The following MGAT4C variants were observed in gnomAD, a reference collection of about 807,000 sequenced individuals.
MGAT4C encodes the protein alpha-1,3-mannosyl-glycoprotein 4-beta-N-acetylglucosaminyltransferase C.
A neutral mutation model predicts 40.1 loss-of-function variants in MGAT4C; 19 were observed. The ratio of observed to expected loss-of-function variants is 0.47; its 90% CI spans 0.33 to 0.70. The LOEUF (loss-of-function observed/expected upper bound fraction) is 0.70, where lower values mean the gene tolerates loss of function less well. Ranked by LOEUF, MGAT4C falls within the 30% of genes least tolerant of loss-of-function variation. The pLI is 0.02. For synonymous variants in MGAT4C, 181 were observed against 187.1 expected (o/e 0.97, Z 0.27); for missense variants, 491 against 563.2 (o/e 0.87, Z 1.30).
At chr12:86,362,309 G>T (rs991091334) in intron 3 of MGAT4C, among the ~76,000 whole-genome samples, 1 of 152,170 alleles carries the variant, frequency 6.6e-6, no homozygotes, top group Non-Finnish European at 1.5e-5. Context: ...GACACAGGGT[G>T]GGGAACATCG....
chr12:86,250,913 T>C lies in MGAT4C; in HGVS notation c.-57+5326A>G, dbSNP rs151189535. Among the ~76,000 whole-genome samples the C allele has an allele frequency of 5.9e-5, 9 of 152,146 alleles. No homozygotes were observed. The East Asian group carries it at 1.7e-3, about 29-fold the overall frequency. On this transcript the variant is annotated intron_variant, in intron 1 of 4. Transcript: ENST00000611864. The stretch of plus-strand genomic sequence containing the variant: ...TGTTTGTACTATACCAGAGTTTTCA[T>C]GTTAGTGAATAGCAATTTTTAATGA...
chr12:86,480,247 T>A (rs530826748), intron 2 of MGAT4C, among the ~76,000 whole-genome samples: 2 of 151,806 alleles, frequency 1.3e-5, no homozygotes, highest in East Asian at 3.9e-4. Flanking sequence ...TAATAAAGAA[T>A]CAACATTTGC....
At position 86,414,370 on chromosome 12, in the gene MGAT4C, C is replaced by T. The variant is rs148511344; in HGVS notation, c.-120+20787G>A. ...ATTTTTGTTTTTTAATTATTCTCCT[C>T]ACGGAAATAGTGTTTACAATATTAT... On this transcript the variant is annotated intron_variant, in intron 3 of 7. Coordinates refer to the MGAT4C transcript ENST00000548651. Among the ~76,000 whole-genome samples the T allele has an allele frequency of 4.1e-3, 628 of 152,192 alleles. 4 individuals are homozygous for T. The highest frequency in any genetic ancestry group is 0.015 in the African/African-American group (606 of 41,538).
rs1197870109 is a variant in MGAT4C, at chr12:86,492,332, T to C, written c.-228-57067A>G. On this transcript the variant is annotated intron_variant, in intron 2 of 7. Coordinates refer to the MGAT4C transcript ENST00000548651. ...ATATGGAACCAAAAACGAGCCCGCA[T>C]TGCCAAGTCAATCCTAAGCCAAAAG... Among the ~76,000 whole-genome samples the C allele has an allele frequency of 1.3e-5, 2 of 152,174 alleles. 1 individual carries two copies. Among genetic ancestry groups the C allele is most frequent in the Non-Finnish European group, 2.9e-5 (2 of 68,040 alleles).
chr12:86,626,496 T>TAGTTTA (rs1962809068), intron 2 of MGAT4C, among the ~76,000 whole-genome samples: 1 of 152,206 alleles, frequency 6.6e-6, no homozygotes, highest in Non-Finnish European at 1.5e-5. Context: ...TGGTTGTTTT[T>TAGTTTA]AAACTATTAA....
At chr12:86,291,361 G>A (rs1036515535) in intron 4 of MGAT4C, among the ~76,000 whole-genome samples, 2 of 152,164 alleles carry the variant, frequency 1.3e-5, no homozygotes, top group African/African-American at 4.8e-5. Context: ...CCAAGAAATA[G>A]ATATTTTTAA....
chr12:86,268,918 G>A (rs1952863695), intron 4 of MGAT4C, among the ~76,000 whole-genome samples: 1 of 142,794 alleles, frequency 7.0e-6, no homozygotes, highest in Non-Finnish European at 1.5e-5. Context: ...AAAACAAGTA[G>A]AGGAGATATT....
intron 1 of MGAT4C, among the ~76,000 whole-genome samples, chr12:86,197,711 T>C (rs967154537): frequency 6.6e-6 from 1 of 152,168 alleles, no homozygotes; most frequent in Admixed American, 6.5e-5. Context: ...GATAGATACG[T>C]AGATATATAG....
intron 1 of MGAT4C, among the ~76,000 whole-genome samples, chr12:86,088,271 T>C (rs376904656): frequency 6.6e-6 from 1 of 152,012 alleles, no homozygotes; most frequent in Admixed American, 6.6e-5. Flanking sequence ...ATAAAAACTC[T>C]GGACAATAAC....
At chr12:86,774,343 C>CTTTCTTTCTTTT (rs1565981678) in intron 1 of MGAT4C, among the ~76,000 whole-genome samples, 3 of 54,498 alleles carry the variant, frequency 5.5e-5, no homozygotes, top group Non-Finnish European at 8.8e-5. Context: ...TTCTTTCTGT[C>CTTTCTTTCTTTT]TCTCTCTCTC....
At chr12:86,802,555 C>A (rs1952252535) in intron 1 of MGAT4C, among the ~76,000 whole-genome samples, 1 of 151,878 alleles carries the variant, frequency 6.6e-6, no homozygotes, top group Non-Finnish European at 1.5e-5. Flanking sequence ...TAATAAGCAA[C>A]TTCAGCAAAG....
In MGAT4C at chr12:86,768,926, C is replaced by T. The variant is rs913213354; in HGVS notation, c.-261-41685G>A. 7.2e-5 allele frequency among the ~76,000 whole-genome samples: 11 copies of T among 152,122 alleles called. No individual in the cohort carries two copies. In the South Asian group the frequency reaches 1.7e-3, roughly 23 times the overall value. On this transcript the variant is annotated intron_variant, in intron 1 of 7. Transcript: ENST00000548651. ...AAACCATAAAAACCCTAGAAGAAAA[C>T]CTAGGCATTACCATGCAGGACATAG...
intron 4 of MGAT4C, among the ~76,000 whole-genome samples, chr12:86,323,755 C>T (rs549894423): frequency 1.3e-5 from 2 of 151,906 alleles, no homozygotes; most frequent in South Asian, 4.2e-4. Flanking sequence ...TGCTTCATGC[C>T]TTCTCATTGA....
chr12:86,134,247 C>A (rs973926515), intron 1 of MGAT4C, among the ~76,000 whole-genome samples: 2 of 151,998 alleles, frequency 1.3e-5, no homozygotes, highest in Non-Finnish European at 2.9e-5. Context: ...ATTTGATTAA[C>A]CAGTAATTTT....
At chr12:86,481,372 G>A (rs1957934342) in intron 2 of MGAT4C, among the ~76,000 whole-genome samples, 1 of 151,966 alleles carries the variant, frequency 6.6e-6, no homozygotes, top group African/African-American at 2.4e-5. Context: ...GCTCTCATAT[G>A]CTTTTGTTAG....
rs1357740515 is a variant in MGAT4C at position 85,968,712 on chromosome 12, AT to A, written c.*10576del. On this transcript the variant is annotated 3_prime_UTR_variant, in exon 5 of 5. Coordinates refer to ENST00000611864, the MANE Select transcript of MGAT4C (RefSeq NM_001351288.2). ...TGCACATTAGGATCACTTAGGAAGAATTTTAAAAGTATGCTGATGCCTGGAA... is the reference window on the plus strand; with the variant it reads ...TGCACATTAGGATCACTTAGGAAGAATTTAAAAGTATGCTGATGCCTGGAA... The A allele has an allele frequency of 2.0e-5, 3 of 151,930 alleles. No individual in the cohort carries two copies. Among genetic ancestry groups the A allele is most frequent in the Non-Finnish European group, 4.4e-5 (3 of 67,888 alleles). The allele number at this position is 151,930 out of a possible 1,614,324, so 9.4% of individuals were successfully genotyped here.
At chr12:86,515,944 C>A (rs1486100086) in intron 2 of MGAT4C, among the ~76,000 whole-genome samples, 1 of 151,964 alleles carries the variant, frequency 6.6e-6, no homozygotes, top group African/African-American at 2.4e-5. Flanking sequence ...CGGGGTTTCA[C>A]CATGTTAGCC....
intron 1 of MGAT4C, among the ~76,000 whole-genome samples, chr12:86,754,185 C>A (rs1230567237): frequency 6.6e-6 from 1 of 152,032 alleles, no homozygotes; most frequent in Non-Finnish European, 1.5e-5. Flanking sequence ...TTGTTATATG[C>A]AATAGCATAA....
intron 2 of MGAT4C, among the ~76,000 whole-genome samples, chr12:86,503,775 TAGAGTTCTGCTC>T (rs1286716297): frequency 5.9e-4 from 20 of 34,174 alleles, no homozygotes; most frequent in African/African-American, 1.1e-3. Context: ...TATATATATA[TAGAGTTCTGCTC>T]ATATATATAT....
Sources: allele counts gnomAD v4.1 joint callset (sites outside exome capture counted in the v4.1 genomes callset), GRCh38; gene constraint gnomAD v4.1.1; transcripts MANE v1.5; gene names NCBI Gene and HGNC (gene_info 2026-07-23, HGNC 2026-07-21).